ME3: variants seen among roughly 807,000 people sequenced by gnomAD.
ME3 encodes the protein NADP-dependent malic enzyme, mitochondrial.
ME3 carries 48 observed loss-of-function variants against 68.9 expected under a neutral mutation model. That is an observed-to-expected ratio of 0.70 (90% CI 0.55 to 0.89). The LOEUF (loss-of-function observed/expected upper bound fraction) is 0.89, where lower values mean the gene tolerates loss of function less well. Ranked by LOEUF, ME3 falls within the 40% of genes least tolerant of loss-of-function variation. The pLI is 0.00. For missense variants in ME3, 675 were observed against 797.4 expected (o/e 0.85, Z 1.85); for synonymous variants, 320 against 318.8 (o/e 1.00, Z -0.04).
At chr11:86,534,511 C>T (rs1341714608) in intron 4 of ME3, among the ~76,000 whole-genome samples, 2 of 151,992 alleles carry the variant, frequency 1.3e-5, no homozygotes, top group Non-Finnish European at 2.9e-5. Context: ...CCCTCCTCTA[C>T]TAAAAATACA....
chr11:86,554,628 G>T (rs1382264101), intron 4 of ME3, among the ~76,000 whole-genome samples: 1 of 152,114 alleles, frequency 6.6e-6, no homozygotes, highest in Non-Finnish European at 1.5e-5. Context: ...CCCTCATAAT[G>T]ATTGAGTTAG....
intron 1 of ME3, 178 bp from the exon 2 acceptor site, chr11:86,672,136 G>A (rs1252262474): frequency 9.4e-6 from 5 of 533,298 alleles, no homozygotes; most frequent in East Asian, 3.6e-5. Flanking sequence ...GGCTCCGCGC[G>A]GGGCGCCAGG....
At chr11:86,631,354 T>C (rs1944002834) in intron 2 of ME3, among the ~76,000 whole-genome samples, 1 of 152,136 alleles carries the variant, frequency 6.6e-6, no homozygotes, top group African/African-American at 2.4e-5. Flanking sequence ...ATAGAAAAGT[T>C]ACAGATCTAA....
At chr11:86,486,407 A>C (rs115414390) in intron 7 of ME3, among the ~76,000 whole-genome samples, 1,867 of 152,360 alleles carry the variant, frequency 0.012, 48 homozygotes, top group African/African-American at 0.043. Flanking sequence ...CACATATCTG[A>C]AAAGTGGAGG....
chr11:86,609,159 G>T (rs866559803), intron 2 of ME3, among the ~76,000 whole-genome samples: 2 of 152,178 alleles, frequency 1.3e-5, no homozygotes, highest in Admixed American at 6.5e-5. Flanking sequence ...TTGAACTCAG[G>T]TTTATTCTCT....
intron 5 of ME3, 145 bp from the exon 6 acceptor site, chr11:86,498,269 A>C: frequency 3.1e-6 from 3 of 969,624 alleles, no homozygotes; most frequent in Non-Finnish European, 4.4e-6. Flanking sequence ...ATAAGGCCGG[A>C]GCATTTATTC....
the ME3 span, chr11:86,435,371 A>G: frequency 6.6e-6 from 1 of 152,242 alleles, no homozygotes; most frequent in East Asian, 1.9e-4. Flanking sequence ...TGTGAGAGCT[A>G]TGAAAGCAAT....
At chr11:86,479,514 T>C (rs1040180449) in intron 7 of ME3, among the ~76,000 whole-genome samples, 2 of 152,228 alleles carry the variant, frequency 1.3e-5, no homozygotes, top group African/African-American at 4.8e-5. Flanking sequence ...GGCCCATTCT[T>C]GTAGATACTC....
intron 2 of ME3, among the ~76,000 whole-genome samples, chr11:86,598,850 T>G (rs955564734): frequency 6.6e-6 from 1 of 152,086 alleles, no homozygotes; most frequent in African/African-American, 2.4e-5. Flanking sequence ...GGGTCTGGAG[T>G]GGACCTCTAG....
chr11:86,515,916 G>T (rs2125358), intron 4 of ME3, among the ~76,000 whole-genome samples: 1 of 152,034 alleles, frequency 6.6e-6, no homozygotes, highest in Non-Finnish European at 1.5e-5. Context: ...GCTCTGCAGA[G>T]GTGCAGAAAC....
chr11:86,642,865 T>C (rs1944754916), intron 2 of ME3, among the ~76,000 whole-genome samples: 1 of 152,230 alleles, frequency 6.6e-6, no homozygotes, highest in Non-Finnish European at 1.5e-5. Flanking sequence ...CAAGCAGAAC[T>C]TTTGATACTT....
chr11:86,501,729 C>A (rs534567784), intron 5 of ME3, among the ~76,000 whole-genome samples: 3 of 152,228 alleles, frequency 2.0e-5, no homozygotes, highest in Non-Finnish European at 2.9e-5. Flanking sequence ...TCAAAAACGT[C>A]CAGTCTTCTT....
chr11:86,600,745 A>C lies in ME3; in HGVS notation c.184-40922T>G, dbSNP rs1312459556. On this transcript the variant is annotated intron_variant, in intron 2 of 14. Transcript: ENST00000543262. ...AATGTAAAAGATCAGAAATTATAAC[A>C]AACTGTCTCTCAGACCACAGTGCAA... is the stretch of plus-strand genomic sequence containing the variant. 4.6e-5 allele frequency among the ~76,000 whole-genome samples: 7 copies of C among 151,866 alleles called. No individual in the cohort carries two copies. The Admixed American group carries it at 4.6e-4, about 10-fold the overall frequency.
intron 2 of ME3, among the ~76,000 whole-genome samples, chr11:86,579,180 C>T (rs956836674): frequency 5.3e-5 from 8 of 152,070 alleles, no homozygotes; most frequent in South Asian, 2.1e-4. Context: ...TCATTTGAAC[C>T]GGTATTCTTT....
intron 2 of ME3, among the ~76,000 whole-genome samples, chr11:86,616,668 A>G (rs1287856201): frequency 6.6e-6 from 1 of 152,124 alleles, no homozygotes; most frequent in African/African-American, 2.4e-5. Context: ...CATCATATAA[A>G]CCTAGTTGGG....
chr11:86,559,951 T>TAAAAGTCAGTGTGACTCAGTAGAAAGGG, intron 2 of ME3, 128 bp from the exon 3 acceptor site: 1 of 942,976 alleles, frequency 1.1e-6, no homozygotes, highest in Non-Finnish European at 1.5e-6. Flanking sequence ...CAACTCAAAT[T>TAAAAGTCAGTGTGACTCAGTAGAAAGGG]CCACCTCTGC....
At chr11:86,601,301 A>G (rs1483454368) in intron 2 of ME3, among the ~76,000 whole-genome samples, 1 of 152,212 alleles carries the variant, frequency 6.6e-6, no homozygotes, top group Non-Finnish European at 1.5e-5. Context: ...AATACAAACT[A>G]CCATCAGAGG....
At chr11:86,628,065 G>A (rs1010724577) in intron 2 of ME3, among the ~76,000 whole-genome samples, 9 of 152,240 alleles carry the variant, frequency 5.9e-5, no homozygotes, top group Admixed American at 2.0e-4. Flanking sequence ...CCTGCCCTCT[G>A]GTGCAGATGA....
At chr11:86,531,474 C>T (rs1376849526) in intron 4 of ME3, among the ~76,000 whole-genome samples, 4 of 152,122 alleles carry the variant, frequency 2.6e-5, no homozygotes, top group Non-Finnish European at 5.9e-5. Context: ...AGAAATACCA[C>T]TTGACCCAGG....
Sources: allele counts gnomAD v4.1 joint callset (sites outside exome capture counted in the v4.1 genomes callset), GRCh38; gene constraint gnomAD v4.1.1; transcripts MANE v1.5; gene names NCBI Gene and HGNC (gene_info 2026-07-23, HGNC 2026-07-21).